IL31RA: variants seen among roughly 807,000 people sequenced by gnomAD.
IL31RA encodes interleukin 31 receptor A, also known as interleukin-31 receptor subunit alpha.
In IL31RA, 66 loss-of-function variants were observed where a neutral mutation model predicts 83.7. That is an observed-to-expected ratio of 0.79 (90% CI 0.65 to 0.97). The LOEUF is 0.97. Among genes scored for constraint, IL31RA ranks in the 50% least tolerant of loss-of-function variants. The pLI is 0.00. For missense variants in IL31RA, 798 were observed against 919.4 expected (o/e 0.87, Z 1.71); for synonymous variants, 325 against 329.0 (o/e 0.99, Z 0.13).
At chr5:55,861,291 G>C (rs1005991692) in intron 2 of IL31RA, among the ~76,000 whole-genome samples, 4 of 152,068 alleles carry the variant, frequency 2.6e-5, no homozygotes, top group African/African-American at 9.7e-5. Context: ...ATAGACCAGG[G>C]GTCCCCAACC....
intron 8 of IL31RA, among the ~76,000 whole-genome samples, chr5:55,901,695 A>T (rs10471958): frequency 6.6e-6 from 1 of 151,686 alleles, no homozygotes; most frequent in Admixed American, 6.6e-5. Flanking sequence ...AGCTCACCAC[A>T]ACCTCCACCT....
Position 55,919,562 on chromosome 5 carries a change from C to T in IL31RA, c.*2442C>T, listed in dbSNP as rs1016699255. ...GCTTTGTTTTCCCCCACTGCCAGAGCTTCTCATCTTTTAACACTTGCTATT... is the reference window on the plus strand; with the variant it reads ...GCTTTGTTTTCCCCCACTGCCAGAGTTTCTCATCTTTTAACACTTGCTATT... On this transcript the variant is annotated 3_prime_UTR_variant, in exon 15 of 15. Coordinates refer to ENST00000652347, the MANE Select transcript of IL31RA (RefSeq NM_139017.7). 2.0e-5 allele frequency among the ~76,000 whole-genome samples: 3 copies of T among 152,204 alleles called. No individual in the cohort carries two copies. The highest frequency in any genetic ancestry group is 4.4e-5 in the Non-Finnish European group (3 of 68,026).
rs1750020546 is a variant in IL31RA, at chr5:55,920,179, T to C, written c.*3059T>C. Among the ~76,000 whole-genome samples, 1 of 152,054 alleles carries C rather than the reference T, an allele frequency of 6.6e-6. No homozygotes were observed. Among genetic ancestry groups the C allele is most frequent in the Non-Finnish European group, 1.5e-5 (1 of 68,018 alleles). ...GGAGGAGGCAGGAGATGGGGAGAGA[T>C]GAAAAAGGAGAGGCCCACAGTATGG... On this transcript the variant is annotated 3_prime_UTR_variant, in exon 15 of 15. Coordinates refer to ENST00000652347, the MANE Select transcript of IL31RA (RefSeq NM_139017.7).
At chr5:55,879,050 G>A (rs1454154335) in intron 4 of IL31RA, among the ~76,000 whole-genome samples, 1 of 152,012 alleles carries the variant, frequency 6.6e-6, no homozygotes, top group African/African-American at 2.4e-5. Flanking sequence ...ATAATCTCTT[G>A]CCCCAGGCTT....
At position 55,922,592 on chromosome 5, in the gene IL31RA, A is replaced by T; in HGVS notation, c.*5472A>T. 1.6e-6 allele frequency: 1 copy of T among 607,640 alleles called. No homozygotes were observed. The highest frequency in any genetic ancestry group is 2.2e-5 in the South Asian group (1 of 46,130). 37.6% of individuals were successfully genotyped at this position (607,640 alleles called of 1,614,324 possible). A position where few individuals can be genotyped will look rare whatever the true frequency, so the allele number is the denominator to read the frequency against. On this transcript the variant is annotated 3_prime_UTR_variant, in exon 15 of 15. Coordinates refer to ENST00000652347, the MANE Select transcript of IL31RA (RefSeq NM_139017.7). ...CCACACATGGACCACCTACGGATGC[A>T]ATCTGTAATGCATGTGCATGAGAAG...
intron 8 of IL31RA, among the ~76,000 whole-genome samples, chr5:55,902,850 G>C (rs933821146): frequency 3.9e-5 from 6 of 152,190 alleles, no homozygotes; most frequent in African/African-American, 1.4e-4. Context: ...CATGACTCAT[G>C]ATGTAGATGC....
chr5:55,883,300 A>G (rs1039757843), intron 5 of IL31RA, 105 bp downstream of exon 5: 10 of 1,064,728 alleles, frequency 9.4e-6, no homozygotes, highest in Non-Finnish European at 1.4e-5. Flanking sequence ...TTACATTAAA[A>G]ATAGAAGAGA....
intron 1 of IL31RA, among the ~76,000 whole-genome samples, chr5:55,854,030 T>C (rs1234495683): frequency 2.0e-5 from 3 of 152,226 alleles, no homozygotes; most frequent in African/African-American, 2.4e-5. Flanking sequence ...TTTTGGACAA[T>C]TTACATGATA....
intron 1 of IL31RA, among the ~76,000 whole-genome samples, chr5:55,855,646 A>G (rs1434732697): frequency 1.3e-5 from 2 of 152,172 alleles, no homozygotes; most frequent in Middle Eastern, 3.2e-3. Flanking sequence ...GCGTGGGAGT[A>G]AAACAGCCAC....
At chr5:55,910,287 A>G (rs1190219063) in intron 11 of IL31RA, among the ~76,000 whole-genome samples, 1 of 152,196 alleles carries the variant, frequency 6.6e-6, no homozygotes, top group Non-Finnish European at 1.5e-5. Flanking sequence ...TATCAAAGAA[A>G]CCATTGTGAA....
intron 9 of IL31RA, 107 bp downstream of exon 9, chr5:55,906,395 G>A (rs534368786): frequency 2.1e-4 from 217 of 1,057,502 alleles, no homozygotes; most frequent in Non-Finnish European, 2.9e-4. Flanking sequence ...GTGGTTAATA[G>A]CATTTGTCAA....
rs915678431 is a variant in IL31RA at position 55,921,635 on chromosome 5, C to T, written c.*4515C>T. Among the ~76,000 whole-genome samples the T allele has an allele frequency of 6.6e-6, 1 of 152,220 alleles. No individual in the cohort carries two copies. Among genetic ancestry groups the T allele is most frequent in the African/African-American group, 2.4e-5 (1 of 41,450 alleles). On this transcript the variant is annotated 3_prime_UTR_variant, in exon 15 of 15. Transcript: ENST00000652347. ...CTGACGGATCCTTTGTCCTTTTCCA[C>T]TGAGAATCAGCTGTCTACCACTGTG...
At chr5:55,882,928 T>C in intron 4 of IL31RA, 116 bp from the exon 5 acceptor site, 1 of 949,696 alleles carries the variant, frequency 1.1e-6, no homozygotes. Context: ...AATGCCATCT[T>C]CGTTCCATAT....
chr5:55,920,006 C>G lies in IL31RA; in HGVS notation c.*2886C>G, dbSNP rs1206804025. ...TCTGAGACCCTGGGATCCATGCAGA[C>G]AGCTAGGTTAGTGGCCTTTCTTTAA... On this transcript the variant is annotated 3_prime_UTR_variant, in exon 15 of 15. Coordinates refer to ENST00000652347, the MANE Select transcript of IL31RA (RefSeq NM_139017.7). 6.6e-6 allele frequency among the ~76,000 whole-genome samples: 1 copy of G among 152,192 alleles called. No homozygotes were observed. Among genetic ancestry groups the G allele is most frequent in the Admixed American group, 6.5e-5 (1 of 15,282 alleles).
At position 55,921,042 on chromosome 5, in the gene IL31RA, AGAAAAT is replaced by A. The variant is rs2112612055; in HGVS notation, c.*3924_*3929del. Among the ~76,000 whole-genome samples the A allele has an allele frequency of 6.6e-6, 1 of 152,336 alleles. No homozygotes were observed. The highest frequency in any genetic ancestry group is 1.5e-5 in the Non-Finnish European group (1 of 68,028). ...CCCTCACAACAAAGAATTATCTGGC[AGAAAAT>A]GTCAGCAGTGCTGAGGCTGAGAAGT... On this transcript the variant is annotated 3_prime_UTR_variant, in exon 15 of 15. Transcript: ENST00000652347.
upstream of IL31RA, among the ~76,000 whole-genome samples, chr5:55,847,936 T>G (rs2112251229): frequency 1.3e-5 from 2 of 152,242 alleles, no homozygotes; most frequent in South Asian, 2.1e-4. Context: ...CAAACTTGGG[T>G]TTTTCTGATG....
the IL31RA span, among the ~76,000 whole-genome samples, chr5:55,844,237 T>C: frequency 6.6e-6 from 1 of 152,274 alleles, no homozygotes; most frequent in East Asian, 1.9e-4. Flanking sequence ...GAATTGTTTA[T>C]CCTATAAAAT....
Position 55,921,356 on chromosome 5 carries a change from A to T in IL31RA, c.*4236A>T, listed in dbSNP as rs1750082115. 6.6e-6 allele frequency among the ~76,000 whole-genome samples: 1 copy of T among 152,244 alleles called. No individual in the cohort carries two copies. The highest frequency in any genetic ancestry group is 1.5e-5 in the Non-Finnish European group (1 of 68,046). On this transcript the variant is annotated 3_prime_UTR_variant, in exon 15 of 15. Transcript: ENST00000652347. ...TTCATGCATGAGCAAAGCATTTTGA[A>T]CATCCATGAAAAACCCCATGGCGGG...
Position 55,921,949 on chromosome 5 carries a change from C to T in IL31RA, c.*4829C>T, listed in dbSNP as rs1281960854. On this transcript the variant is annotated 3_prime_UTR_variant, in exon 15 of 15. Transcript: ENST00000652347. ...GGGCATCTGAAAAAGAAATTTCACA[C>T]TGGTGTATTTTGTTAATTGTTTCTA... 1.3e-5 allele frequency among the ~76,000 whole-genome samples: 2 copies of T among 148,568 alleles called. No homozygotes were observed. Among genetic ancestry groups the T allele is most frequent in the Non-Finnish European group, 3.0e-5 (2 of 67,714 alleles).
Sources: gnomAD v4.1 joint callset for allele counts (sites outside exome capture counted in the v4.1 genomes callset) on GRCh38, gnomAD v4.1.1 for gene constraint, MANE v1.5 for transcripts, NCBI Gene and HGNC (gene_info 2026-07-23, HGNC 2026-07-21) for gene names.